Variants in CTBP2 observed in about 807,000 individuals in gnomAD.
The protein encoded by CTBP2 is C-terminal-binding protein 2.
In CTBP2, 30 loss-of-function variants were observed where a neutral mutation model predicts 80.3. That is an observed-to-expected ratio of 0.37 (90% confidence interval 0.28 to 0.51). The LOEUF (loss-of-function observed/expected upper bound fraction) is 0.51. CTBP2 is among the 20% of genes least tolerant of loss of function. The pLI is 0.93. For missense variants in CTBP2, 1,212 were observed against 1,375.3 expected (o/e 0.88, Z 1.88); for synonymous variants, 594 against 587.4 (o/e 1.01, Z -0.16).
intron 1 of CTBP2, chr10:125,005,647 G>A: frequency 6.2e-7 from 1 of 1,612,884 alleles, no homozygotes; most frequent in Non-Finnish European, 8.5e-7. Context: ...CACCTGACGA[G>A]GAACCCGACA....
chr10:125,077,540 T>C (rs564188977), intron 2 of CTBP2, among the ~76,000 whole-genome samples: 3 of 152,288 alleles, frequency 2.0e-5, no homozygotes, highest in East Asian at 1.9e-4. Context: ...TGGCAGCCAA[T>C]AGTAATCGGT....
chr10:125,054,527 C>T (rs7893862), intron 2 of CTBP2, among the ~76,000 whole-genome samples: 20,566 of 152,200 alleles, frequency 0.14, 1,565 homozygotes, highest in African/African-American at 0.19. Context: ...ATTGTCAGGG[C>T]CCTAGCAGGA....
intron 1 of CTBP2, 79 bp from the exon 4 acceptor site, chr10:125,003,571 T>C (rs972720748): frequency 2.5e-6 from 3 of 1,207,234 alleles, no homozygotes; most frequent in Non-Finnish European, 2.3e-6. Flanking sequence ...TCCCCACTCA[T>C]CACTCAGGGC....
rs150320719 is a variant in CTBP2 at position 124,994,563 on chromosome 10, A to G, written c.2306T>C (p.Leu769Pro). The G allele has an allele frequency of 6.2e-7, 1 of 1,614,028 alleles. No homozygotes were observed. The highest frequency in any genetic ancestry group is 2.2e-5 in the East Asian group (1 of 44,884). Residue 769 changes from leucine to proline, a missense_variant, in exon 5 of 9, where the codon CTG becomes CCG. Leu to Pro is a moderately conservative substitution (Grantham distance 98, BLOSUM62 -3). Transcript: ENST00000309035. Reference sequence around the variant, plus strand: ...GTCGCTCTGATACAGCAAATCCTGCAGGGTGTAGACCCTCTGCACGCCCAG... The same window carrying G: ...GTCGCTCTGATACAGCAAATCCTGCGGGGTGTAGACCCTCTGCACGCCCAG...
chr10:125,036,671 GTGTGTGTGTGTGTGTGT>G (rs1564769529), intron 3 of CTBP2, among the ~76,000 whole-genome samples: 20 of 6,178 alleles, frequency 3.2e-3, no homozygotes, highest in African/African-American at 0.024. Context: ...TAGAGGGGGT[GTGTGTGTGTGTGTGTGT>G]GTGTGTGTGT....
intron 2 of CTBP2, among the ~76,000 whole-genome samples, chr10:125,070,473 C>G (rs1383096714): frequency 6.6e-6 from 1 of 151,950 alleles, no homozygotes; most frequent in Non-Finnish European, 1.5e-5. Flanking sequence ...GGCAGGATAG[C>G]TTGAGTCCAG....
chr10:125,000,829 T>C (rs4962413), intron 3 of CTBP2: 143,340 of 152,388 alleles, frequency 0.94, 67,617 homozygotes, highest in Non-Finnish European at 0.98. Flanking sequence ...AAAAGGCCCG[T>C]TGACCGCATG....
chr10:125,049,091 A>ACACACACACACACACACACG (rs1962059189), intron 2 of CTBP2, among the ~76,000 whole-genome samples: 1 of 147,018 alleles, frequency 6.8e-6, no homozygotes, highest in East Asian at 2.0e-4. Flanking sequence ...ACACACACAC[A>ACACACACACACACACACACG]CGTCCACCTG....
chr10:125,073,402 C>A (rs1590555108), intron 2 of CTBP2, among the ~76,000 whole-genome samples: 1 of 152,194 alleles, frequency 6.6e-6, no homozygotes, highest in Admixed American at 6.5e-5. Context: ...CACCACCACA[C>A]CCAGCTATAT....
At chr10:125,088,013 T>C (rs1230054500) in intron 2 of CTBP2, among the ~76,000 whole-genome samples, 1 of 151,998 alleles carries the variant, frequency 6.6e-6, no homozygotes, top group African/African-American at 2.4e-5. Flanking sequence ...CCTCCTTCGG[T>C]GAGCTCTTCA....
Position 124,988,794 on chromosome 10 carries a change from T to C in CTBP2, c.*724A>G, listed in dbSNP as rs75330281. ...CAACATTATTCTTCTTGAACCCTTT[T>C]AGCTCAAGACTTTCCACTCAATAAA... On this transcript the variant is annotated 3_prime_UTR_variant, in exon 9 of 9. Transcript: ENST00000309035. 6.6e-6 allele frequency: 1 copy of C among 152,652 alleles called. No individual in the cohort carries two copies. Among genetic ancestry groups the C allele is most frequent in the Non-Finnish European group, 1.5e-5 (1 of 68,044 alleles). 9.5% of individuals were successfully genotyped at this position (152,652 alleles called of 1,614,324 possible). A position where few individuals can be genotyped will look rare whatever the true frequency, so the allele number is the denominator to read the frequency against.
intron 2 of CTBP2, among the ~76,000 whole-genome samples, chr10:125,045,468 C>T (rs1218608084): frequency 6.6e-6 from 1 of 152,116 alleles, no homozygotes; most frequent in Non-Finnish European, 1.5e-5. Flanking sequence ...AGGAAAATCT[C>T]CCTCTCCAAG....
At chr10:125,149,462 G>C (rs181132171) in intron 1 of CTBP2, among the ~76,000 whole-genome samples, 1 of 152,086 alleles carries the variant, frequency 6.6e-6, no homozygotes. Context: ...CCAGGACACC[G>C]GGACTCACAT....
Position 124,994,532 on chromosome 10 carries a change from G to C in CTBP2, c.2337C>G (p.Val779=), listed in dbSNP as rs1269305957. Residue 779 remains valine (V), a synonymous_variant, in exon 5 of 9, where the codon GTC becomes GTG. Transcript: ENST00000309035. ...GTTCGTTGAGATTGCAGTGCAAGGA[G>C]ACGCAGTCGCTCTGATACAGCAAAT... 6.2e-7 allele frequency: 1 copy of C among 1,614,040 alleles called. No individual in the cohort carries two copies. Among genetic ancestry groups the C allele is most frequent in the South Asian group, 1.1e-5 (1 of 91,084 alleles).
At chr10:125,064,855 G>C (rs1446067934) in intron 2 of CTBP2, among the ~76,000 whole-genome samples, 1 of 152,168 alleles carries the variant, frequency 6.6e-6, no homozygotes, top group Non-Finnish European at 1.5e-5. Flanking sequence ...TTTCTGGTTT[G>C]GTGACTTAGC....
At chr10:125,034,864 C>CA (rs1398530404) in intron 3 of CTBP2, among the ~76,000 whole-genome samples, 2 of 152,316 alleles carry the variant, frequency 1.3e-5, no homozygotes, top group Admixed American at 1.3e-4. Context: ...GTCACTCTCT[C>CA]ATCCTGGAGG....
chr10:125,057,296 G>A (rs1020144126), intron 2 of CTBP2, among the ~76,000 whole-genome samples: 7 of 152,190 alleles, frequency 4.6e-5, no homozygotes, highest in Non-Finnish European at 7.3e-5. Context: ...GGATTTACGT[G>A]GCTGGGATTG....
rs932391139 is a variant in CTBP2 at position 125,005,984 on chromosome 10, C to T, written c.1679-2492G>A. ...AGGTGGGAATCCAGAGCCGCTGATG[C>T]GTCTGGGGAGCCTGAGAGGCCATTG... On this transcript the variant is annotated intron_variant, in intron 1 of 8. Coordinates refer to ENST00000309035, the MANE Select transcript of CTBP2 (RefSeq NM_022802.3). The T allele has an allele frequency of 2.3e-5, 34 of 1,452,252 alleles. 1 individual carries two copies. In the South Asian group the frequency reaches 3.3e-4, roughly 14 times the overall value. The allele number at this position is 1,452,252 out of a possible 1,614,324, so 90.0% of individuals were successfully genotyped here.
rs1048908923 is a variant in CTBP2 at position 125,073,806 on chromosome 10, C to CT, written c.-101-34652_-101-34651insA. ...GCCAGCATCTCTGCGTGCTGCCCCC[C>CT]GGAAAGGGTCCGGACATGGCGACAT... On this transcript the variant is annotated intron_variant, in intron 2 of 10. Coordinates refer to the CTBP2 transcript ENST00000337195. Among the ~76,000 whole-genome samples the CT allele has an allele frequency of 1.2e-3, 179 of 152,302 alleles. 1 individual carries two copies. Among genetic ancestry groups the CT allele is most frequent in the African/African-American group, 4.1e-3 (170 of 41,560 alleles).
Sources: gnomAD v4.1 joint callset for allele counts (sites outside exome capture counted in the v4.1 genomes callset) on GRCh38, gnomAD v4.1.1 for gene constraint, MANE v1.5 for transcripts, NCBI Gene and HGNC (gene_info 2026-07-23, HGNC 2026-07-21) for gene names.